Variants in PDXDC1 observed in about 807,000 individuals in gnomAD.
The protein encoded by PDXDC1 is pyridoxal-dependent decarboxylase domain-containing protein 1.
In PDXDC1, 42 loss-of-function variants were observed where a neutral mutation model predicts 100.1. The observed-to-expected ratio is 0.42, with a 90% CI of 0.33 to 0.54. PDXDC1 has a LOEUF of 0.54. Ranked by LOEUF, PDXDC1 falls within the 20% of genes least tolerant of loss-of-function variation. The pLI is 0.10. For synonymous variants in PDXDC1, 260 were observed against 371.7 expected, an observed-to-expected ratio of 0.70 and a Z score of 3.46; for missense variants, 636 against 979.2, an observed-to-expected ratio of 0.65 and a Z score of 4.68.
chr16:15,024,778 T>A (rs2042461741), intron 13 of PDXDC1, among the ~76,000 whole-genome samples: 1 of 152,310 alleles, frequency 6.6e-6, no homozygotes, highest in South Asian at 2.1e-4. Context: ...TCTCACCTCT[T>A]CAGAAAGGCC....
chr16:15,147,103 CAGGG>C, the PDXDC1 span, among the ~76,000 whole-genome samples: 1 of 137,360 alleles, frequency 7.3e-6, no homozygotes, highest in East Asian at 2.3e-4. Flanking sequence ...GAGGGGCTGG[CAGGG>C]AGGGAGAGGT....
At chr16:15,083,316 T>C (rs1246151215) in intron 16 of PDXDC1, among the ~76,000 whole-genome samples, 3 of 152,076 alleles carry the variant, frequency 2.0e-5, no homozygotes, top group Admixed American at 6.5e-5. Flanking sequence ...GGAGAATCGC[T>C]TGAACCCGAG....
At chr16:15,077,334 G>A (rs1040136248) in intron 16 of PDXDC1, among the ~76,000 whole-genome samples, 1 of 152,024 alleles carries the variant, frequency 6.6e-6, no homozygotes, top group African/African-American at 2.4e-5. Flanking sequence ...TGCTGGGGGG[G>A]GACTGGTGGG....
intron 4 of PDXDC1, 105 bp downstream of exon 4, chr16:15,001,961 T>C: frequency 3.5e-6 from 3 of 860,324 alleles, no homozygotes; most frequent in Non-Finnish European, 5.5e-6. Flanking sequence ...TTCATTGAGT[T>C]ACATATGATA....
chr16:15,139,685 G>T (rs1379083975), downstream of PDXDC1, among the ~76,000 whole-genome samples: 1 of 152,126 alleles, frequency 6.6e-6, no homozygotes, highest in Non-Finnish European at 1.5e-5. Context: ...GGGGGCTGAG[G>T]AAGAAGGATC....
chr16:15,128,344 C>A, intron 16 of PDXDC1: 1 of 1,607,632 alleles, frequency 6.2e-7, no homozygotes, highest in Non-Finnish European at 8.5e-7. Context: ...GTGGCCGCTC[C>A]GGCTGTCCAC....
intron 6 of PDXDC1, among the ~76,000 whole-genome samples, chr16:15,008,502 T>A (rs1217877417): frequency 6.6e-6 from 1 of 152,280 alleles, no homozygotes; most frequent in African/African-American, 2.4e-5. Flanking sequence ...TCAAAGTGTT[T>A]CTGGTATATT....
At chr16:15,072,875 C>T in intron 16 of PDXDC1, 1 of 1,458,162 alleles carries the variant, frequency 6.9e-7, no homozygotes, top group East Asian at 2.3e-5. Context: ...GGTCTCCGTC[C>T]ACCCCAGTTT....
intron 3 of PDXDC1, among the ~76,000 whole-genome samples, chr16:15,000,970 T>A (rs1973016694): frequency 6.7e-6 from 1 of 149,880 alleles, no homozygotes; most frequent in Non-Finnish European, 1.5e-5. Context: ...AAGTACATAT[T>A]ATAAGGCCTT....
intron 16 of PDXDC1, chr16:15,135,418 G>A (rs966795515): frequency 4.4e-5 from 58 of 1,306,090 alleles, no homozygotes; most frequent in Middle Eastern, 2.5e-4. Context: ...GCGCACACCC[G>A]CCAGCCTCCC....
intron 16 of PDXDC1, chr16:15,076,295 G>C: frequency 1.7e-6 from 1 of 595,810 alleles, no homozygotes; most frequent in Non-Finnish European, 3.0e-6. Flanking sequence ...GACAGCATCT[G>C]GCTTACAAAA....
chr16:15,102,418 G>A (rs1273040605), intron 16 of PDXDC1, among the ~76,000 whole-genome samples: 2 of 151,808 alleles, frequency 1.3e-5, no homozygotes, highest in Non-Finnish European at 2.9e-5. Flanking sequence ...AGGCCTAAGG[G>A]TCAATGGGCA....
intron 1 of PDXDC1, among the ~76,000 whole-genome samples, chr16:14,984,431 AAGTGAG>A (rs1968779281): frequency 1.8e-5 from 2 of 108,936 alleles, no homozygotes; most frequent in Non-Finnish European, 3.6e-5. Flanking sequence ...AATCACATAA[AAGTGAG>A]AGAGAGAGAG....
chr16:15,072,575 G>T (rs1161751081), intron 16 of PDXDC1, among the ~76,000 whole-genome samples: 2 of 152,020 alleles, frequency 1.3e-5, no homozygotes, highest in Non-Finnish European at 2.9e-5. Context: ...GCAGGAGGCG[G>T]GCAGATCACT....
chr16:15,041,770 C>G (rs1363726990), downstream of PDXDC1: 6 of 893,622 alleles, frequency 6.7e-6, 1 homozygote, highest in South Asian at 5.3e-5. Context: ...GGGACGGCAG[C>G]CAACTGAGTG....
chr16:15,141,718 C>A (rs1015617942), downstream of PDXDC1, among the ~76,000 whole-genome samples: 2 of 152,208 alleles, frequency 1.3e-5, no homozygotes, highest in African/African-American at 4.8e-5. Flanking sequence ...GGTGGGCCCA[C>A]AGCCACGCTG....
intron 16 of PDXDC1, chr16:15,136,461 G>A: frequency 4.9e-6 from 3 of 617,916 alleles, no homozygotes; most frequent in South Asian, 3.9e-5. Flanking sequence ...ACCAGGGCCG[G>A]CCCAGCTCCC....
rs1270128356 is a variant in PDXDC1, at chr16:15,031,720, T to C, written c.1400-15T>C. The C allele has an allele frequency of 6.2e-7, 1 of 1,603,298 alleles. No homozygotes were observed. The highest frequency in any genetic ancestry group is 8.5e-7 in the Non-Finnish European group (1 of 1,171,446). On this transcript the variant is annotated splice_polypyrimidine_tract_variant and intron_variant, in intron 16 of 22. Coordinates refer to ENST00000396410, the MANE Select transcript of PDXDC1 (RefSeq NM_015027.4). ...CATCTCGTGAGCATTTCTCTGACAT[T>C]GTGAACATCTTCAGTTTTAGGAACT...
At chr16:14,993,625 C>T (rs535570950) in intron 1 of PDXDC1, among the ~76,000 whole-genome samples, 1,722 of 151,442 alleles carry the variant, frequency 0.011, no homozygotes, top group South Asian at 0.048. Flanking sequence ...GTCTTTATAG[C>T]GGCATGATTT....
Sources: allele counts gnomAD v4.1 joint callset (sites outside exome capture counted in the v4.1 genomes callset), GRCh38; gene constraint gnomAD v4.1.1; transcripts MANE v1.5; gene names NCBI Gene and HGNC (gene_info 2026-07-23, HGNC 2026-07-21).